Variants in MBOAT1 observed in about 807,000 individuals in gnomAD.
MBOAT1 encodes membrane-bound glycerophospholipid O-acyltransferase 1.
Under a neutral mutation model 64.4 loss-of-function variants are expected in MBOAT1, and 67 were observed. That is an observed-to-expected ratio of 1.04 (90% CI 0.85 to 1.27). The LOEUF (loss-of-function observed/expected upper bound fraction) is 1.27, where lower values mean the gene tolerates loss of function less well. Ranked by LOEUF, MBOAT1 falls within the 50% of genes most tolerant of loss-of-function variation. MBOAT1 has a pLI of 0.00. For synonymous variants in MBOAT1, 229 were observed against 218.9 expected (o/e 1.05, Z -0.41); for missense variants, 563 against 604.6 (o/e 0.93, Z 0.72).
At chr6:20,178,253 C>T (rs1013872989) in intron 1 of MBOAT1, among the ~76,000 whole-genome samples, 4 of 151,980 alleles carry the variant, frequency 2.6e-5, no homozygotes, top group Admixed American at 6.6e-5. Flanking sequence ...TTCTGTTTTA[C>T]ATTTAAATTG....
At chr6:20,209,285 G>A (rs1268324202) in intron 1 of MBOAT1, among the ~76,000 whole-genome samples, 1 of 152,128 alleles carries the variant, frequency 6.6e-6, no homozygotes, top group African/African-American at 2.4e-5. Context: ...CTCTAATTAA[G>A]GGAGATAATT....
chr6:20,136,072 T>G lies in MBOAT1; in HGVS notation c.420-4873A>C, dbSNP rs143994167. Reference sequence around the variant, plus strand: ...GAATGACTGCAGAGGAGGAGGAGGATATTACAGCTTCAGTGGAATGCTCCC... The same window carrying G: ...GAATGACTGCAGAGGAGGAGGAGGAGATTACAGCTTCAGTGGAATGCTCCC... On this transcript the variant is annotated intron_variant, in intron 4 of 12. Transcript: ENST00000324607. 1.2e-4 allele frequency among the ~76,000 whole-genome samples: 18 copies of G among 152,242 alleles called. No homozygotes were observed. The South Asian group carries it at 1.5e-3, about 12-fold the overall frequency.
In MBOAT1 at chr6:20,207,729, A is replaced by T. The variant is rs544984704; in HGVS notation, c.99+4407T>A. Among the ~76,000 whole-genome samples the T allele has an allele frequency of 2.0e-5, 3 of 152,342 alleles. No individual in the cohort carries two copies. In the South Asian group the frequency reaches 6.2e-4, roughly 32 times the overall value. ...AGCTTACAAACCCAGCAAGATAACT[A>T]ACAATATAAGGTAACATTTACCAAG... On this transcript the variant is annotated intron_variant, in intron 1 of 12. Transcript: ENST00000324607.
intron 1 of MBOAT1, among the ~76,000 whole-genome samples, chr6:20,155,529 G>C (rs1254329562): frequency 3.3e-5 from 5 of 152,178 alleles, no homozygotes; most frequent in Non-Finnish European, 7.3e-5. Flanking sequence ...GGGGGAATTG[G>C]TGTCTAATAT....
At chr6:20,139,052 T>C (rs1761088629) in intron 4 of MBOAT1, among the ~76,000 whole-genome samples, 1 of 152,188 alleles carries the variant, frequency 6.6e-6, no homozygotes, top group Non-Finnish European at 1.5e-5. Flanking sequence ...ATGGCTTTCT[T>C]ACCAGGACAC....
At chr6:20,174,288 C>T (rs549505081) in intron 1 of MBOAT1, among the ~76,000 whole-genome samples, 5 of 152,268 alleles carry the variant, frequency 3.3e-5, no homozygotes, top group East Asian at 3.9e-4. Context: ...TAGGCAATTT[C>T]GTCATCATGC....
intron 1 of MBOAT1, among the ~76,000 whole-genome samples, chr6:20,163,188 A>C (rs1561770621): frequency 6.6e-6 from 1 of 152,120 alleles, no homozygotes; most frequent in Admixed American, 6.5e-5. Flanking sequence ...CTCCTATCCC[A>C]TAAATCAAAT....
intron 1 of MBOAT1, among the ~76,000 whole-genome samples, chr6:20,187,213 T>A (rs780578501): frequency 6.6e-6 from 1 of 152,186 alleles, no homozygotes; most frequent in Non-Finnish European, 1.5e-5. Flanking sequence ...GAAGGATGAG[T>A]AAAGTAGCAA....
chr6:20,193,021 TTTG>T (rs1328798968), intron 1 of MBOAT1, among the ~76,000 whole-genome samples: 2 of 130,732 alleles, frequency 1.5e-5, no homozygotes. Flanking sequence ...TTTTTTTTTT[TTTG>T]AGACGGAGTC....
chr6:20,166,032 A>G (rs1398345990), intron 1 of MBOAT1, among the ~76,000 whole-genome samples: 1 of 152,128 alleles, frequency 6.6e-6, no homozygotes, highest in East Asian at 1.9e-4. Flanking sequence ...TCATAATCCC[A>G]ACCTTCTATA....
At chr6:20,159,311 G>A (rs1761780854) in intron 1 of MBOAT1, among the ~76,000 whole-genome samples, 1 of 152,108 alleles carries the variant, frequency 6.6e-6, no homozygotes, top group South Asian at 2.1e-4. Context: ...TGTCAGATCA[G>A]CAGCAGCATT....
At chr6:20,181,516 C>A (rs1762508791) in intron 1 of MBOAT1, among the ~76,000 whole-genome samples, 1 of 152,160 alleles carries the variant, frequency 6.6e-6, no homozygotes, top group Admixed American at 6.5e-5. Context: ...TAGTCACAGA[C>A]TCATTCAATT....
intron 1 of MBOAT1, among the ~76,000 whole-genome samples, chr6:20,199,804 C>A (rs980235039): frequency 1.3e-5 from 2 of 152,060 alleles, no homozygotes; most frequent in Admixed American, 6.5e-5. Context: ...CCTGTCTCTA[C>A]TAAAAATACA....
intron 1 of MBOAT1, among the ~76,000 whole-genome samples, chr6:20,160,983 C>T (rs1342533492): frequency 6.6e-6 from 1 of 152,174 alleles, no homozygotes; most frequent in African/African-American, 2.4e-5. Context: ...TTCAGGGGTT[C>T]CCAACCCCCC....
At position 20,112,965 on chromosome 6, in the gene MBOAT1, A is replaced by C. The variant is rs1293013468; in HGVS notation, c.1120T>G (p.Phe374Val). ...CCATGCCACAAAGCAGACAGGATGAAGGTTAGCACCGTGGGGTACCATGGA... is the reference window on the plus strand; with the variant it reads ...CCATGCCACAAAGCAGACAGGATGACGGTTAGCACCGTGGGGTACCATGGA... ...RVPWYPTVLT[F>V]ILSALWHGVY... The change falls in exon 11 of 13, where the codon TTC (phenylalanine) becomes GTC (valine). Residue 374 changes from phenylalanine to valine, a missense_variant. Phe to Val is a conservative substitution (Grantham distance 50). Coordinates refer to ENST00000324607, the MANE Select transcript of MBOAT1 (RefSeq NM_001080480.3). The C allele has an allele frequency of 2.5e-6, 4 of 1,614,040 alleles. No individual in the cohort carries two copies. In the African/African-American group the frequency reaches 5.3e-5, roughly 22 times the overall value.
Position 20,101,971 on chromosome 6 carries a change from C to A in MBOAT1, c.*315G>T, listed in dbSNP as rs6933020. Among the ~76,000 whole-genome samples the A allele has an allele frequency of 6.6e-6, 1 of 150,712 alleles. No homozygotes were observed. The highest frequency in any genetic ancestry group is 1.5e-5 in the Non-Finnish European group (1 of 67,650). On this transcript the variant is annotated 3_prime_UTR_variant, in exon 13 of 13. Transcript: ENST00000324607. ...TCTACTAAAAATACAAAAAATTAGC[C>A]GGGCGTAGTGGCGGGCGCCTGTAGT...
intron 11 of MBOAT1, among the ~76,000 whole-genome samples, chr6:20,111,848 A>ATATATATATACATATATATACG (rs1561746290): frequency 2.6e-4 from 23 of 87,564 alleles, no homozygotes; most frequent in Non-Finnish European, 4.2e-4. Context: ...ATATATATAC[A>ATATATATATACATATATATACG]TATATATATA....
chr6:20,210,283 G>C (rs1561790773), intron 1 of MBOAT1, among the ~76,000 whole-genome samples: 1 of 152,160 alleles, frequency 6.6e-6, no homozygotes, highest in Admixed American at 6.6e-5. Context: ...ATTGCACCCA[G>C]GTCAGTCTGA....
intron 3 of MBOAT1, among the ~76,000 whole-genome samples, chr6:20,149,177 AG>A: frequency 6.6e-6 from 1 of 151,828 alleles, no homozygotes; most frequent in Non-Finnish European, 1.5e-5. Flanking sequence ...CTGATGGCAG[AG>A]CCCCCTGCTA....
Sources: allele counts gnomAD v4.1 joint callset (sites outside exome capture counted in the v4.1 genomes callset), GRCh38; gene constraint gnomAD v4.1.1; transcripts MANE v1.5; gene names NCBI Gene and HGNC (gene_info 2026-07-23, HGNC 2026-07-21).